LRFN2: variants seen among roughly 807,000 people sequenced by gnomAD.
LRFN2 encodes the protein leucine rich repeat and fibronectin type III domain containing 2, also known as leucine-rich repeat and fibronectin type-III domain-containing protein 2.
In LRFN2, 18 loss-of-function variants were observed where a neutral mutation model predicts 37.3. That is an observed-to-expected ratio of 0.48 (90% CI 0.33 to 0.72). LRFN2 has a LOEUF of 0.72. Among genes scored for constraint, LRFN2 ranks in the 30% least tolerant of loss-of-function variants. The probability of loss-of-function intolerance (pLI) is 0.02; values close to 1 mark genes in which losing one functional copy is unlikely to be tolerated. For missense variants in LRFN2, 1,006 were observed against 1,060.7 expected (o/e 0.95, Z 0.72); for synonymous variants, 556 against 466.6 (o/e 1.19, Z -2.47).
intron 1 of LRFN2, among the ~76,000 whole-genome samples, chr6:40,542,955 G>T (rs1159048985): frequency 6.6e-6 from 1 of 152,206 alleles, no homozygotes; most frequent in Non-Finnish European, 1.5e-5. Flanking sequence ...TTTGCAAAGT[G>T]AACGAGTGCT....
intron 1 of LRFN2, among the ~76,000 whole-genome samples, chr6:40,557,906 A>G (rs1325988258): frequency 4.6e-5 from 7 of 152,222 alleles, no homozygotes; most frequent in Non-Finnish European, 7.3e-5. Flanking sequence ...GATAATGATG[A>G]TGTTATTTCA....
intron 2 of LRFN2, among the ~76,000 whole-genome samples, chr6:40,413,617 G>A (rs915766721): frequency 3.3e-5 from 5 of 152,120 alleles, no homozygotes; most frequent in South Asian, 4.2e-4. Flanking sequence ...TCCAGGACAT[G>A]GCCATCATCT....
intron 1 of LRFN2, among the ~76,000 whole-genome samples, chr6:40,531,432 C>T (rs1023263192): frequency 5.9e-5 from 9 of 152,098 alleles, no homozygotes; most frequent in African/African-American, 2.2e-4. Flanking sequence ...CACATCTTGC[C>T]GGGGCATATG....
At chr6:40,532,922 C>T (rs1766373820) in intron 1 of LRFN2, among the ~76,000 whole-genome samples, 1 of 152,124 alleles carries the variant, frequency 6.6e-6, no homozygotes, top group Non-Finnish European at 1.5e-5. Flanking sequence ...TCATCACATC[C>T]GTAGCTTAGT....
chr6:40,423,759 G>T (rs1284637454), intron 2 of LRFN2, among the ~76,000 whole-genome samples: 1 of 152,162 alleles, frequency 6.6e-6, no homozygotes, highest in Non-Finnish European at 1.5e-5. Flanking sequence ...TCCCCACTTT[G>T]CTTTCTTGCC....
chr6:40,397,923 G>A (rs768651022), intron 2 of LRFN2, among the ~76,000 whole-genome samples: 14 of 151,872 alleles, frequency 9.2e-5, no homozygotes, highest in Non-Finnish European at 2.9e-5. Context: ...CAGAAGTCAA[G>A]AGTAGGAATT....
At chr6:40,493,399 A>G (rs1765140028) in intron 1 of LRFN2, among the ~76,000 whole-genome samples, 1 of 152,182 alleles carries the variant, frequency 6.6e-6, no homozygotes, top group African/African-American at 2.4e-5. Flanking sequence ...ACTGTTTTCT[A>G]TATTCCAGGC....
intron 1 of LRFN2, among the ~76,000 whole-genome samples, chr6:40,497,445 A>C (rs1324903244): frequency 1.3e-5 from 2 of 151,966 alleles, no homozygotes; most frequent in Non-Finnish European, 2.9e-5. Context: ...CCCTATCCAG[A>C]TATTTGCCTC....
intron 1 of LRFN2, among the ~76,000 whole-genome samples, chr6:40,554,670 G>C (rs2113924934): frequency 6.6e-6 from 1 of 152,252 alleles, no homozygotes; most frequent in South Asian, 2.1e-4. Flanking sequence ...GCTGAAATGA[G>C]GTCCCTTGTA....
chr6:40,529,961 C>A (rs1408456453), intron 1 of LRFN2, among the ~76,000 whole-genome samples: 2 of 152,210 alleles, frequency 1.3e-5, no homozygotes, highest in African/African-American at 2.4e-5. Flanking sequence ...AATAGAAACA[C>A]AGATTTTCAT....
In LRFN2 at chr6:40,434,957, G is replaced by T. The variant is rs561730427; in HGVS notation, c.-18-1826C>A. ...AAACACTAAATTAATGTTTAAGTTT[G>T]CATTACTCCTATTTCTTTTTACTAT... On this transcript the variant is annotated intron_variant, in intron 1 of 2. Transcript: ENST00000338305. Among the ~76,000 whole-genome samples, 6 of 139,568 alleles carry T rather than the reference G, an allele frequency of 4.3e-5. No homozygotes were observed. The East Asian group carries it at 1.3e-3, about 30-fold the overall frequency. The allele number at this position is 139,568 out of a possible 152,430, so 91.6% of individuals were successfully genotyped here. A position where few individuals can be genotyped will look rare whatever the true frequency, so the allele number is the denominator to read the frequency against.
chr6:40,537,699 G>T (rs1304577510), intron 1 of LRFN2, among the ~76,000 whole-genome samples: 2 of 152,070 alleles, frequency 1.3e-5, no homozygotes, highest in African/African-American at 4.8e-5. Flanking sequence ...TCCACTGTCG[G>T]GGCAGAGACC....
intron 1 of LRFN2, among the ~76,000 whole-genome samples, chr6:40,489,498 T>C (rs1247600328): frequency 1.3e-5 from 2 of 151,934 alleles, no homozygotes; most frequent in South Asian, 2.1e-4. Flanking sequence ...TGAAGGGAGA[T>C]TGTGCCTGGA....
At chr6:40,488,971 T>C (rs1765029158) in intron 1 of LRFN2, among the ~76,000 whole-genome samples, 1 of 152,214 alleles carries the variant, frequency 6.6e-6, no homozygotes. Context: ...CCGATAATGT[T>C]GAATTTTATT....
At chr6:40,557,401 G>A (rs192200595) in intron 1 of LRFN2, among the ~76,000 whole-genome samples, 2 of 152,278 alleles carry the variant, frequency 1.3e-5, no homozygotes, top group South Asian at 2.1e-4. Flanking sequence ...ATGGTGGCGG[G>A]GTCAAGGCTA....
At chr6:40,507,221 G>A (rs993414381) in intron 1 of LRFN2, among the ~76,000 whole-genome samples, 5 of 152,086 alleles carry the variant, frequency 3.3e-5, no homozygotes, top group Non-Finnish European at 5.9e-5. Flanking sequence ...CTTAATAAAC[G>A]TCTACTGACA....
chr6:40,510,654 T>C (rs1375766105), intron 1 of LRFN2, among the ~76,000 whole-genome samples: 1 of 152,208 alleles, frequency 6.6e-6, no homozygotes, highest in Non-Finnish European at 1.5e-5. Context: ...AAGCCAGTGA[T>C]AAGCTGACAG....
intron 1 of LRFN2, among the ~76,000 whole-genome samples, chr6:40,501,459 C>G (rs1581754772): frequency 2.0e-5 from 3 of 151,630 alleles, no homozygotes; most frequent in East Asian, 3.9e-4. Context: ...CCTGGGACTA[C>G]AGGTGCCCAT....
intron 1 of LRFN2, among the ~76,000 whole-genome samples, chr6:40,525,468 A>T (rs1201465235): frequency 6.6e-6 from 1 of 152,210 alleles, no homozygotes; most frequent in East Asian, 1.9e-4. Flanking sequence ...TTTATTAATC[A>T]ATGAAACGTC....
Sources: gnomAD v4.1 joint callset for allele counts (sites outside exome capture counted in the v4.1 genomes callset) on GRCh38, gnomAD v4.1.1 for gene constraint, MANE v1.5 for transcripts, NCBI Gene and HGNC (gene_info 2026-07-23, HGNC 2026-07-21) for gene names.